Variants in RASSF8 observed in about 807,000 individuals in gnomAD.
RASSF8 encodes ras association domain-containing protein 8.
In RASSF8, 22 loss-of-function variants were observed where a neutral mutation model predicts 48.5. That is an observed-to-expected ratio of 0.45 (90% CI 0.32 to 0.65). RASSF8 has a LOEUF of 0.65. RASSF8 is among the 30% of genes least tolerant of loss of function. The probability of loss-of-function intolerance (pLI) is 0.03; values close to 1 mark genes in which losing one functional copy is unlikely to be tolerated. For missense variants in RASSF8, 418 were observed against 489.2 expected (o/e 0.85, Z 1.37); for synonymous variants, 127 against 171.5 (o/e 0.74, Z 2.03).
chr12:26,068,626 C>A, intron 5 of RASSF8, 71 bp from the exon 6 acceptor site: 1 of 1,238,406 alleles, frequency 8.1e-7, no homozygotes, highest in South Asian at 1.3e-5. Context: ...AGGAAGCAGT[C>A]TGATTTTTTA....
Position 26,070,494 on chromosome 12 carries a change from C to T in RASSF8, c.*1676C>T, listed in dbSNP as rs1219537308. ...GGGTTCTTGGAGTTATCAAATTGAT[C>T]TTGCCATTATGTTACTTTGCAAATA... On this transcript the variant is annotated 3_prime_UTR_variant, in exon 6 of 6. Coordinates refer to ENST00000689635, the MANE Select transcript of RASSF8 (RefSeq NM_001394098.1). 2 of 984,630 alleles carry T rather than the reference C, an allele frequency of 2.0e-6. No individual in the cohort carries two copies. The highest frequency in any genetic ancestry group is 1.1e-4 in the East Asian group (1 of 8,832). 61.0% of individuals were successfully genotyped at this position (984,630 alleles called of 1,614,324 possible).
At chr12:25,980,357 CTTTAAT>C (rs1941711762) in intron 1 of RASSF8, among the ~76,000 whole-genome samples, 1 of 152,160 alleles carries the variant, frequency 6.6e-6, no homozygotes, top group Non-Finnish European at 1.5e-5. Flanking sequence ...TGGTCATTAT[CTTTAAT>C]TTTAAAAAGA....
intron 3 of RASSF8, among the ~76,000 whole-genome samples, chr12:26,057,716 A>G (rs771800823): frequency 1.3e-5 from 2 of 152,204 alleles, no homozygotes; most frequent in Non-Finnish European, 2.9e-5. Context: ...GTCTTCCACA[A>G]TGGTTGAACT....
chr12:25,964,119 A>C lies in RASSF8; in HGVS notation c.-203+4971A>C, dbSNP rs568742226. Among the ~76,000 whole-genome samples the C allele has an allele frequency of 9.9e-5, 15 of 152,254 alleles. No individual in the cohort carries two copies. In the South Asian group the frequency reaches 2.9e-3, roughly 29 times the overall value. ...AGTAGCTGCCACTGTGGAGGAGAGG[A>C]AAGTTATGGTTGGGAACCCTTGTTA... On this transcript the variant is annotated intron_variant, in intron 1 of 5. Transcript: ENST00000689635.
chr12:26,066,199 G>C (rs987035342), intron 4 of RASSF8, among the ~76,000 whole-genome samples: 18 of 152,208 alleles, frequency 1.2e-4, no homozygotes, highest in African/African-American at 3.9e-4. Flanking sequence ...TGCAGACACA[G>C]AACATTTCCA....
In RASSF8 at chr12:26,072,371, A is replaced by C; in HGVS notation, c.*3553A>C. 1 of 985,340 alleles carries C rather than the reference A, an allele frequency of 1.0e-6. No homozygotes were observed. Among genetic ancestry groups the C allele is most frequent in the Non-Finnish European group, 1.2e-6 (1 of 829,850 alleles). 61.0% of individuals were successfully genotyped at this position (985,340 alleles called of 1,614,324 possible). ...ATTGCTGCTTTACATCTCCAGAATA[A>C]GCTTTCGATGCCAGGACAGTGACTG... On this transcript the variant is annotated 3_prime_UTR_variant, in exon 6 of 6. Coordinates refer to ENST00000689635, the MANE Select transcript of RASSF8 (RefSeq NM_001394098.1).
intron 1 of RASSF8, among the ~76,000 whole-genome samples, chr12:25,985,071 T>G (rs1461915429): frequency 1.3e-5 from 2 of 152,300 alleles, no homozygotes; most frequent in Admixed American, 1.3e-4. Context: ...CGCATTCTCA[T>G]TATTGGTGGT....
intron 2 of RASSF8, among the ~76,000 whole-genome samples, chr12:26,045,269 A>G (rs999959773): frequency 2.0e-5 from 3 of 152,158 alleles, no homozygotes; most frequent in African/African-American, 7.2e-5. Context: ...TCCTTAAAGC[A>G]TTTAATATTT....
At position 25,973,085 on chromosome 12, in the gene RASSF8, G is replaced by A. The variant is rs529294907; in HGVS notation, c.-203+13937G>A. On this transcript the variant is annotated intron_variant, in intron 1 of 5. Coordinates refer to ENST00000689635, the MANE Select transcript of RASSF8 (RefSeq NM_001394098.1). ...GACAGGGTCTCACTCTGTTGTCCAG[G>A]CTGGAGTGCATTGGCAAGATCATAG... Among the ~76,000 whole-genome samples, 24 of 152,160 alleles carry A rather than the reference G, an allele frequency of 1.6e-4. No homozygotes were observed. The South Asian group carries it at 5.0e-3, about 32-fold the overall frequency.
intron 2 of RASSF8, among the ~76,000 whole-genome samples, chr12:26,010,313 A>C (rs1034237352): frequency 1.3e-5 from 2 of 152,252 alleles, no homozygotes; most frequent in Non-Finnish European, 2.9e-5. Context: ...CAATGACTTG[A>C]GAGCAGCTGA....
Position 26,064,744 on chromosome 12 carries a change from ACAAAT to A in RASSF8, c.354_358del (p.Lys118AsnfsTer28). ...TTAGCTAAACTGAGGCCTCAGATTG[ACAAAT>A]CAATCAAAAGGAGGGAACCGAAAAG... On this transcript the variant is annotated frameshift_variant, in exon 4 of 6. Coordinates refer to ENST00000689635, the MANE Select transcript of RASSF8 (RefSeq NM_001394098.1). LOFTEE classifies it high-confidence loss of function. 6.2e-7 allele frequency: 1 copy of A among 1,614,202 alleles called. No homozygotes were observed. Among genetic ancestry groups the A allele is most frequent in the Non-Finnish European group, 8.5e-7 (1 of 1,180,028 alleles).
chr12:26,074,253 T>C (rs950902674), downstream of RASSF8, among the ~76,000 whole-genome samples: 9 of 152,340 alleles, frequency 5.9e-5, no homozygotes, highest in African/African-American at 2.2e-4. Flanking sequence ...GGCATAAATA[T>C]GCTGGATGCG....
At chr12:25,959,787 G>C (rs2136803681) in intron 1 of RASSF8, 1 of 152,198 alleles carries the variant, frequency 6.6e-6, no homozygotes, top group African/African-American at 2.4e-5. Flanking sequence ...TGCGGCACTG[G>C]GTTTTAAAAG....
intron 2 of RASSF8, among the ~76,000 whole-genome samples, chr12:26,004,188 AC>A (rs1174590063): frequency 6.6e-6 from 1 of 152,078 alleles, no homozygotes; most frequent in East Asian, 1.9e-4. Flanking sequence ...AACATAAAAA[AC>A]AAAACTTCTT....
At chr12:26,033,305 A>T (rs1943066537) in intron 2 of RASSF8, among the ~76,000 whole-genome samples, 1 of 152,190 alleles carries the variant, frequency 6.6e-6, no homozygotes, top group Admixed American at 6.5e-5. Context: ...GTATTGAAGC[A>T]CTAAGTAAAA....
At chr12:26,012,965 T>A (rs1332547876) in intron 2 of RASSF8, among the ~76,000 whole-genome samples, 1 of 152,198 alleles carries the variant, frequency 6.6e-6, no homozygotes, top group Non-Finnish European at 1.5e-5. Context: ...CATGAGCCAC[T>A]GCACCTGGCC....
chr12:26,077,287 T>C (rs1189071111), downstream of RASSF8, among the ~76,000 whole-genome samples: 1 of 152,254 alleles, frequency 6.6e-6, no homozygotes, highest in Admixed American at 6.5e-5. Flanking sequence ...TTGTCTATTT[T>C]GGCTTTTGTT....
chr12:26,026,091 A>G (rs75013218), intron 2 of RASSF8, among the ~76,000 whole-genome samples: 237 of 152,344 alleles, frequency 1.6e-3, no homozygotes, highest in Middle Eastern at 3.4e-3. Flanking sequence ...TTGCTTAGAA[A>G]TGACATCAAA....
chr12:25,963,927 C>T (rs1941296310), intron 1 of RASSF8, among the ~76,000 whole-genome samples: 1 of 152,228 alleles, frequency 6.6e-6, no homozygotes. Flanking sequence ...TCCTGATTTT[C>T]TAGTCAGGAA....
Sources: allele counts gnomAD v4.1 joint callset (sites outside exome capture counted in the v4.1 genomes callset), GRCh38; gene constraint gnomAD v4.1.1; transcripts MANE v1.5; gene names NCBI Gene and HGNC (gene_info 2026-07-23, HGNC 2026-07-21).